ATRNL1: variants seen among roughly 807,000 people sequenced by gnomAD.
ATRNL1 encodes attractin like 1, also known as attractin-like protein 1.
In ATRNL1, 95 loss-of-function variants were observed where a neutral mutation model predicts 182.7. The ratio of observed to expected loss-of-function variants is 0.52; its 90% CI spans 0.44 to 0.62. ATRNL1 has a LOEUF of 0.62. Among genes scored for constraint, ATRNL1 ranks in the 20% least tolerant of loss-of-function variants. The probability of loss-of-function intolerance (pLI) is 0.00; values close to 1 mark genes in which losing one functional copy is unlikely to be tolerated. For missense variants in ATRNL1, 1,471 were observed against 1,679.5 expected (o/e 0.88, Z 2.17); for synonymous variants, 576 against 568.3 (o/e 1.01, Z -0.19).
At chr10:115,263,874 T>C (rs1661172528) in intron 10 of ATRNL1, among the ~76,000 whole-genome samples, 1 of 151,714 alleles carries the variant, frequency 6.6e-6, no homozygotes, top group South Asian at 2.1e-4. Flanking sequence ...GGATAAAACA[T>C]TGGGAAAACA....
At chr10:115,251,318 C>A (rs1850867614) in intron 10 of ATRNL1, among the ~76,000 whole-genome samples, 2 of 152,156 alleles carry the variant, frequency 1.3e-5, no homozygotes, top group Non-Finnish European at 2.9e-5. Context: ...GGGATAAAAG[C>A]TCCCAGAGGC....
At chr10:115,234,931 G>A (rs1226355325) in intron 9 of ATRNL1, among the ~76,000 whole-genome samples, 1 of 152,016 alleles carries the variant, frequency 6.6e-6, no homozygotes, top group Non-Finnish European at 1.5e-5. Context: ...TTGGCCTGTG[G>A]TTTTCCCTTT....
chr10:115,905,847 G>A (rs1555114432), intron 28 of ATRNL1, among the ~76,000 whole-genome samples: 2 of 152,180 alleles, frequency 1.3e-5, no homozygotes, highest in East Asian at 1.9e-4. Flanking sequence ...GGAGGGACTT[G>A]ATAAATAATT....
chr10:115,433,421 A>G (rs1407958871), intron 21 of ATRNL1, among the ~76,000 whole-genome samples: 4 of 152,168 alleles, frequency 2.6e-5, no homozygotes, highest in African/African-American at 9.6e-5. Flanking sequence ...TTGGCTATAA[A>G]TTGCTATTTA....
At chr10:115,743,267 T>C (rs1371785439) in intron 27 of ATRNL1, among the ~76,000 whole-genome samples, 1 of 149,756 alleles carries the variant, frequency 6.7e-6, no homozygotes, top group Non-Finnish European at 1.5e-5. Flanking sequence ...ACAACTCTTC[T>C]ATATAATGTA....
chr10:115,796,314 G>A (rs921038673), intron 27 of ATRNL1, among the ~76,000 whole-genome samples: 6 of 151,894 alleles, frequency 4.0e-5, no homozygotes, highest in African/African-American at 7.3e-5. Context: ...GCTCTGATGC[G>A]TGTTCTGGCA....
At chr10:115,292,709 G>C (rs1424091085) in intron 15 of ATRNL1, among the ~76,000 whole-genome samples, 1 of 151,770 alleles carries the variant, frequency 6.6e-6, no homozygotes, top group African/African-American at 2.4e-5. Flanking sequence ...TTATTCCATT[G>C]TGGTCATGTA....
At chr10:115,738,125 G>GTTTTTTTTTTTTTTTTTTTTTT (rs1565334914) in intron 27 of ATRNL1, among the ~76,000 whole-genome samples, 4 of 53,194 alleles carry the variant, frequency 7.5e-5, no homozygotes, top group African/African-American at 2.3e-4. Flanking sequence ...AGAAGATAAT[G>GTTTTTTTTTTTTTTTTTTTTTT]ATTTTTTTTT....
chr10:115,860,053 T>A (rs186642009), intron 28 of ATRNL1, among the ~76,000 whole-genome samples: 236 of 152,316 alleles, frequency 1.5e-3, no homozygotes, highest in African/African-American at 5.6e-3. Flanking sequence ...AAAGCTTTCA[T>A]GCAGGTAAAA....
chr10:115,227,475 T>C (rs1309118438), intron 9 of ATRNL1, among the ~76,000 whole-genome samples: 5 of 152,158 alleles, frequency 3.3e-5, no homozygotes, highest in African/African-American at 1.2e-4. Context: ...TGGGAATGAA[T>C]GTAAATTATT....
intron 18 of ATRNL1, among the ~76,000 whole-genome samples, chr10:115,317,467 A>G: frequency 6.6e-6 from 1 of 152,184 alleles, no homozygotes; most frequent in East Asian, 1.9e-4. Flanking sequence ...CACTGAATCT[A>G]TAAATTACTT....
At chr10:115,319,114 AT>A (rs1839635104) in intron 18 of ATRNL1, among the ~76,000 whole-genome samples, 1 of 152,152 alleles carries the variant, frequency 6.6e-6, no homozygotes, top group Non-Finnish European at 1.5e-5. Context: ...TTGTTTTCAA[AT>A]AACTTCTTTT....
chr10:115,821,317 T>A (rs1950290552), intron 27 of ATRNL1, among the ~76,000 whole-genome samples: 1 of 152,192 alleles, frequency 6.6e-6, no homozygotes, highest in Non-Finnish European at 1.5e-5. Context: ...GCTAGCTGGT[T>A]ATTTTGCCCG....
chr10:115,879,456 T>G (rs1436425828), intron 28 of ATRNL1, among the ~76,000 whole-genome samples: 1 of 152,210 alleles, frequency 6.6e-6, no homozygotes, highest in African/African-American at 2.4e-5. Context: ...CATGATGCTA[T>G]GTAGCCATAG....
At chr10:115,487,936 G>A (rs1849106647) in intron 24 of ATRNL1, among the ~76,000 whole-genome samples, 1 of 152,128 alleles carries the variant, frequency 6.6e-6, no homozygotes, top group South Asian at 2.1e-4. Context: ...TAGTATGAAA[G>A]GCTGTTGAAT....
intron 27 of ATRNL1, among the ~76,000 whole-genome samples, chr10:115,801,155 T>G (rs2134235340): frequency 6.6e-6 from 1 of 152,328 alleles, no homozygotes; most frequent in African/African-American, 2.4e-5. Context: ...TGTCTTGCTT[T>G]AACACCCTGT....
intron 17 of ATRNL1, among the ~76,000 whole-genome samples, chr10:115,311,173 A>G (rs1854003060): frequency 6.8e-6 from 1 of 147,820 alleles, no homozygotes; most frequent in Non-Finnish European, 1.5e-5. Flanking sequence ...CTGAGAAGAT[A>G]CTTGATATGA....
chr10:115,773,095 A>T (rs1353890449), intron 27 of ATRNL1, among the ~76,000 whole-genome samples: 2 of 152,192 alleles, frequency 1.3e-5, no homozygotes, highest in East Asian at 1.9e-4. Context: ...GAGGGACTTT[A>T]CTATGAGAAA....
At chr10:115,631,073 G>A (rs1858474831) in intron 26 of ATRNL1, among the ~76,000 whole-genome samples, 1 of 151,822 alleles carries the variant, frequency 6.6e-6, no homozygotes, top group Admixed American at 6.6e-5. Context: ...AGGGGGGTGT[G>A]TACGGGAAAT....
Sources: gnomAD v4.1 joint callset for allele counts (sites outside exome capture counted in the v4.1 genomes callset) on GRCh38, gnomAD v4.1.1 for gene constraint, MANE v1.5 for transcripts, NCBI Gene and HGNC (gene_info 2026-07-23, HGNC 2026-07-21) for gene names.